FBXO33: variants seen among roughly 807,000 people sequenced by gnomAD.
The protein encoded by FBXO33 is F-box only protein 33.
In FBXO33, 22 loss-of-function variants were observed where a neutral mutation model predicts 46.3. The observed-to-expected ratio is 0.48, with a 90% CI of 0.34 to 0.68. The LOEUF (loss-of-function observed/expected upper bound fraction) is 0.68. Among genes scored for constraint, FBXO33 ranks in the 30% least tolerant of loss-of-function variants. The probability of loss-of-function intolerance (pLI) is 0.01; values close to 1 mark genes in which losing one functional copy is unlikely to be tolerated. For missense variants in FBXO33, 692 were observed against 708.8 expected, an observed-to-expected ratio of 0.98 and a Z score of 0.27; for synonymous variants, 337 against 291.3, an observed-to-expected ratio of 1.16 and a Z score of -1.60.
chr14:39,405,345 A>C (rs1302796812), intron 1 of FBXO33, among the ~76,000 whole-genome samples: 1 of 152,160 alleles, frequency 6.6e-6, no homozygotes. Flanking sequence ...ATCAGAGGTA[A>C]AATGGACAGG....
intron 1 of FBXO33, among the ~76,000 whole-genome samples, chr14:39,428,471 T>C (rs760361692): frequency 2.6e-5 from 4 of 152,104 alleles, no homozygotes; most frequent in Admixed American, 6.5e-5. Context: ...GAAAGTGCTG[T>C]CATTACAGGT....
intron 1 of FBXO33, among the ~76,000 whole-genome samples, chr14:39,422,587 T>A (rs542821814): frequency 1.9e-4 from 29 of 152,326 alleles, no homozygotes; most frequent in African/African-American, 7.0e-4. Context: ...CTGGCTGACT[T>A]CTTCTACATT....
At chr14:39,423,315 T>C (rs2075494324) in intron 1 of FBXO33, among the ~76,000 whole-genome samples, 1 of 152,196 alleles carries the variant, frequency 6.6e-6, no homozygotes, top group Non-Finnish European at 1.5e-5. Flanking sequence ...CTCATATATA[T>C]TACCAATGAG....
intron 1 of FBXO33, among the ~76,000 whole-genome samples, chr14:39,414,743 C>T (rs1204082101): frequency 2.0e-5 from 3 of 152,166 alleles, no homozygotes; most frequent in Non-Finnish European, 2.9e-5. Flanking sequence ...CTCACTGTAG[C>T]TCTGATTTCC....
intron 1 of FBXO33, among the ~76,000 whole-genome samples, chr14:39,430,154 T>C (rs780091800): frequency 1.5e-4 from 23 of 152,230 alleles, no homozygotes; most frequent in Non-Finnish European, 2.8e-4. Flanking sequence ...GTTGGTCCTC[T>C]AGCCATACAT....
At position 39,399,688 on chromosome 14, in the gene FBXO33, T is replaced by C. The variant is rs769859132; in HGVS notation, c.1496A>G (p.Gln499Arg). 26 of 1,613,990 alleles carry C rather than the reference T, an allele frequency of 1.6e-5. No homozygotes were observed. The highest frequency in any genetic ancestry group is 4.0e-5 in the African/African-American group (3 of 74,938). ...TACATCCTGGTCGGCCAGTTCACCT[T>C]GGTCAAAATCAATGCTTTCTTCGGT... Reference protein sequence around the residue: ...EVTEESIDFDQGELADQDVDP... With the variant: ...EVTEESIDFDRGELADQDVDP... The change falls in exon 4 of 4, where the codon CAA becomes CGA. Residue 499 changes from glutamine (Q) to arginine (R), a missense_variant. By Grantham distance (43) the Gln-to-Arg change is conservative. Transcript: ENST00000298097.
chr14:39,415,724 T>C (rs2075445100), intron 1 of FBXO33, among the ~76,000 whole-genome samples: 1 of 152,198 alleles, frequency 6.6e-6, no homozygotes, highest in South Asian at 2.1e-4. Context: ...TGGAGTGCAG[T>C]GGTGTGATCT....
In FBXO33 at chr14:39,432,127, C is replaced by T. The variant is rs548257471; in HGVS notation, c.36G>A (p.Pro12=). ...LLFLSVPQPR[P]PGARTRAGAA... is the part of the protein sequence containing the mutation. ...CCCCGGCTCGGGTTCGAGCTCCCGG[C>T]GGTCGGGGCTGCGGCACTGACAAGA... Residue 12 remains proline (P), a synonymous_variant, in exon 1 of 4, where the codon CCG becomes CCA. Transcript: ENST00000298097. 8.1e-7 allele frequency: 1 copy of T among 1,241,686 alleles called. No homozygotes were observed. Among genetic ancestry groups the T allele is most frequent in the South Asian group, 3.8e-5 (1 of 25,996 alleles). The allele number at this position is 1,241,686 out of a possible 1,614,324, so 76.9% of individuals were successfully genotyped here. A position where few individuals can be genotyped will look rare whatever the true frequency, so the allele number is the denominator to read the frequency against.
intron 1 of FBXO33, among the ~76,000 whole-genome samples, chr14:39,430,672 G>A (rs954542514): frequency 2.0e-5 from 3 of 152,084 alleles, no homozygotes; most frequent in African/African-American, 7.2e-5. Flanking sequence ...TTTTGTGAAC[G>A]TCTAAACTTT....
Position 39,401,330 on chromosome 14 carries a change from T to C in FBXO33, c.1242A>G (p.Ile414Met), listed in dbSNP as rs2075367488. The C allele has an allele frequency of 6.2e-7, 1 of 1,614,138 alleles. No homozygotes were observed. Among genetic ancestry groups the C allele is most frequent in the Non-Finnish European group, 8.5e-7 (1 of 1,180,012 alleles). The part of the protein sequence containing the change: ...TCVSGAIVDL[I>M]SRQYDKFLTH... ...TGAGGAACTTGTCATATTGCCTGGATATAAGATCAACAATAGCCCCTGAAA... is the reference window on the plus strand; with the variant it reads ...TGAGGAACTTGTCATATTGCCTGGACATAAGATCAACAATAGCCCCTGAAA... The change falls in exon 3 of 4, where the codon ATA becomes ATG. Residue 414 changes from isoleucine (I) to methionine (M), a missense_variant. Physicochemically the swap from Ile to Met is conservative, Grantham distance 10 (BLOSUM62 1). Transcript: ENST00000298097.
In FBXO33 at chr14:39,432,002, C is replaced by G. The variant is rs1236726722; in HGVS notation, c.161G>C (p.Arg54Pro). ...VLRGRPGAGS[R>P]RRGRMALCGQ... is the part of the protein sequence containing the mutation. Reference sequence around the variant, plus strand: ...GCACAGAGCCATCCGGCCCCGCCGCCGGCTGCCGGCTCCCGGCCGCCCCCG... The same window carrying G: ...GCACAGAGCCATCCGGCCCCGCCGCGGGCTGCCGGCTCCCGGCCGCCCCCG... The change falls in exon 1 of 4, where the codon CGG becomes CCG. Residue 54 changes from arginine to proline, a missense_variant. This residue lies in a region of FBXO33 where 412 missense variants were observed against 370.8 expected (regional missense o/e 1.11). Coordinates refer to ENST00000298097, the MANE Select transcript of FBXO33 (RefSeq NM_203301.4). 1.1e-5 allele frequency: 16 copies of G among 1,421,922 alleles called. No homozygotes were observed. Among genetic ancestry groups the G allele is most frequent in the Middle Eastern group, 2.4e-4 (1 of 4,216 alleles). The allele number at this position is 1,421,922 out of a possible 1,614,324, so 88.1% of individuals were successfully genotyped here. A position where few individuals can be genotyped will look rare whatever the true frequency, so the allele number is the denominator to read the frequency against.
chr14:39,429,522 A>G (rs141051923), intron 1 of FBXO33, among the ~76,000 whole-genome samples: 1 of 152,380 alleles, frequency 6.6e-6, no homozygotes, highest in East Asian at 1.9e-4. Flanking sequence ...TTTAATATTC[A>G]TATTAACTTT....
intron 1 of FBXO33, among the ~76,000 whole-genome samples, chr14:39,430,257 C>T (rs1348327830): frequency 6.6e-6 from 1 of 152,110 alleles, no homozygotes; most frequent in African/African-American, 2.4e-5. Flanking sequence ...GAATGTCTTG[C>T]GAAAAGCTGT....
intron 1 of FBXO33, among the ~76,000 whole-genome samples, chr14:39,414,114 A>T (rs1056633873): frequency 2.6e-5 from 4 of 152,184 alleles, no homozygotes; most frequent in Non-Finnish European, 5.9e-5. Context: ...TACACTGAAA[A>T]ATCTGTTGTT....
intron 1 of FBXO33, among the ~76,000 whole-genome samples, chr14:39,417,437 T>TACC (rs1169850313): frequency 6.6e-6 from 1 of 152,244 alleles, no homozygotes; most frequent in Non-Finnish European, 1.5e-5. Context: ...TTGCTCTCCT[T>TACC]ACCTATCATG....
chr14:39,399,397 T>A lies in FBXO33; in HGVS notation c.*119A>T. The stretch of plus-strand genomic sequence containing the variant: ...AAGAAGTAGAATATACATATATAAT[T>A]CTATAAAGCTAATACTGATTAAACA... On this transcript the variant is annotated 3_prime_UTR_variant, in exon 4 of 4. Coordinates refer to ENST00000298097, the MANE Select transcript of FBXO33 (RefSeq NM_203301.4). The A allele has an allele frequency of 1.1e-6, 1 of 877,142 alleles. No homozygotes were observed. Among genetic ancestry groups the A allele is most frequent in the Non-Finnish European group, 1.7e-6 (1 of 590,566 alleles). 54.3% of individuals were successfully genotyped at this position (877,142 alleles called of 1,614,324 possible).
chr14:39,417,931 CAT>C (rs1472980966), intron 1 of FBXO33, among the ~76,000 whole-genome samples: 8 of 152,256 alleles, frequency 5.3e-5, no homozygotes, highest in African/African-American at 1.9e-4. Flanking sequence ...TGAAAAAATA[CAT>C]GATATAATCA....
At chr14:39,404,528 G>A (rs1164346312) in intron 1 of FBXO33, among the ~76,000 whole-genome samples, 1 of 151,956 alleles carries the variant, frequency 6.6e-6, no homozygotes, top group Non-Finnish European at 1.5e-5. Flanking sequence ...GGGTTTCACC[G>A]TGTTAGCCAG....
chr14:39,431,902 G>A lies in FBXO33; in HGVS notation c.261C>T (p.Asp87=), dbSNP rs1323951210. The change falls in exon 1 of 4, where the codon GAC becomes GAT. Residue 87 remains aspartate (D), a synonymous_variant. Coordinates refer to ENST00000298097, the MANE Select transcript of FBXO33 (RefSeq NM_203301.4). The part of the protein sequence containing the change: ...VHIFSFLPAP[D]RLRASASCSH... ...AGCAGGAGGCCGAGGCCCGCAGCCG[G>A]TCGGGCGCCGGCAGAAAAGAGAAGA... 2.6e-6 allele frequency: 4 copies of A among 1,549,282 alleles called. No homozygotes were observed. In the African/African-American group the frequency reaches 4.1e-5, roughly 16 times the overall value.
Sources: allele counts gnomAD v4.1 joint callset (sites outside exome capture counted in the v4.1 genomes callset), GRCh38; gene constraint gnomAD v4.1.1; regional missense constraint gnomAD v4.1.1; transcripts MANE v1.5; gene names NCBI Gene and HGNC (gene_info 2026-07-23, HGNC 2026-07-21).